Variants in MAP2K5 observed in about 807,000 individuals in gnomAD.
MAP2K5 encodes dual specificity mitogen-activated protein kinase kinase 5.
Under a neutral mutation model 83.1 loss-of-function variants are expected in MAP2K5, and 49 were observed. The observed-to-expected ratio is 0.59, with a 90% CI of 0.47 to 0.75. The LOEUF (loss-of-function observed/expected upper bound fraction) is 0.75, where lower values mean the gene tolerates loss of function less well. Ranked by LOEUF, MAP2K5 falls within the 30% of genes least tolerant of loss-of-function variation. The pLI, the probability that MAP2K5 is intolerant of heterozygous loss-of-function variation, is 0.00. For synonymous variants in MAP2K5, 202 were observed against 191.8 expected, an observed-to-expected ratio of 1.05 and a Z score of -0.44; for missense variants, 457 against 557.5, an observed-to-expected ratio of 0.82 and a Z score of 1.82.
intron 2 of MAP2K5, among the ~76,000 whole-genome samples, chr15:67,556,683 C>T (rs1387098101): frequency 6.6e-6 from 1 of 151,790 alleles, no homozygotes; most frequent in Middle Eastern, 3.2e-3. Flanking sequence ...TCCCTAGTAG[C>T]TGGGATTACA....
chr15:67,596,160 G>A (rs186079236), intron 7 of MAP2K5, among the ~76,000 whole-genome samples: 6 of 152,186 alleles, frequency 3.9e-5, no homozygotes, highest in Admixed American at 3.3e-4. Context: ...TTGGCTGGGC[G>A]TGGTGGCTCA....
rs533196274 is a variant in MAP2K5 at position 67,563,889 on chromosome 15, T to G, written c.252+539T>G. ...TGAATATATTCTGAAACGACTTTTC[T>G]TTTGTGTTTAAAATTTTACTGAAAA... is the stretch of plus-strand genomic sequence containing the variant. On this transcript the variant is annotated intron_variant, in intron 3 of 21. Coordinates refer to ENST00000178640, the MANE Select transcript of MAP2K5 (RefSeq NM_145160.3). This position sits in a 1 kb window ranked among gnomAD's most constrained non-coding sequence, Gnocchi z 4.5. Among the ~76,000 whole-genome samples, 4 of 152,272 alleles carry G rather than the reference T, an allele frequency of 2.6e-5. No individual in the cohort carries two copies. The highest frequency in any genetic ancestry group is 2.0e-4 in the Admixed American group (3 of 15,298).
chr15:67,751,866 G>A (rs759895277), intron 19 of MAP2K5, among the ~76,000 whole-genome samples: 26 of 151,986 alleles, frequency 1.7e-4, no homozygotes, highest in Non-Finnish European at 3.4e-4. Flanking sequence ...TGATATTCTC[G>A]GGCCTCTTGA....
chr15:67,635,217 G>A (rs191725719), intron 9 of MAP2K5, among the ~76,000 whole-genome samples: 10 of 138,908 alleles, frequency 7.2e-5, no homozygotes, highest in Admixed American at 3.8e-4. Context: ...ACAGAGTCTC[G>A]CTCTGTCGCC....
rs2088083088 is a variant in MAP2K5, at chr15:67,690,612, C to A, written c.848-1867C>A. Among the ~76,000 whole-genome samples, 1 of 151,598 alleles carries A rather than the reference C, an allele frequency of 6.6e-6. No homozygotes were observed. The highest frequency in any genetic ancestry group is 6.6e-5 in the Admixed American group (1 of 15,246). Reference sequence around the variant, plus strand: ...GCAGTGGCACCATCTCAGCTCACTGCAACCTCTGTTTCCCAGGTTGAAGCA... The same window carrying A: ...GCAGTGGCACCATCTCAGCTCACTGAAACCTCTGTTTCCCAGGTTGAAGCA... On this transcript the variant is annotated intron_variant, in intron 13 of 21. Transcript: ENST00000178640. This position sits in a 1 kb window ranked among gnomAD's most constrained non-coding sequence, Gnocchi z 4.3.
At chr15:67,703,455 T>C (rs1287926776) in intron 16 of MAP2K5, 47 bp downstream of exon 16, 4 of 1,420,304 alleles carry the variant, frequency 2.8e-6, no homozygotes, top group Non-Finnish European at 3.9e-6. Context: ...TGTACTAATA[T>C]ATTCAATCAG....
Position 67,658,554 on chromosome 15 carries a change from G to A in MAP2K5, c.738G>A (p.Gly246=). The A allele has an allele frequency of 5.0e-6, 8 of 1,611,178 alleles. No individual in the cohort carries two copies. Among genetic ancestry groups the A allele is most frequent in the Non-Finnish European group, 6.8e-6 (8 of 1,177,742 alleles). ...AACATGGCATGTTTATCTCTACAGG[G>A]GGATCTTTGGATGTATATAGGAAAA... ...RISICTEFMD[G]GSLDVYRKMP... Residue 246 remains glycine, a splice_region_variant and synonymous_variant, in exon 12 of 22, where the codon GGG becomes GGA. Transcript: ENST00000178640.
intron 12 of MAP2K5, among the ~76,000 whole-genome samples, chr15:67,662,998 C>A (rs1596747221): frequency 6.6e-6 from 1 of 152,046 alleles, no homozygotes; most frequent in East Asian, 1.9e-4. Context: ...GAGACTAATG[C>A]AAAAAATTCC....
At chr15:67,547,674 C>A (rs1267859722) in intron 1 of MAP2K5, among the ~76,000 whole-genome samples, 1 of 152,092 alleles carries the variant, frequency 6.6e-6, no homozygotes, top group Admixed American at 6.5e-5. Flanking sequence ...CCAGGCTGGT[C>A]TTGAACTCCT....
intron 21 of MAP2K5, among the ~76,000 whole-genome samples, chr15:67,788,921 A>G (rs935311069): frequency 2.6e-5 from 4 of 151,344 alleles, no homozygotes; most frequent in Non-Finnish European, 2.9e-5. Context: ...GCAGTGAGCC[A>G]TGATTGTACC....
chr15:67,737,933 C>T (rs1435403166), intron 17 of MAP2K5, among the ~76,000 whole-genome samples: 1 of 130,918 alleles, frequency 7.6e-6, no homozygotes, highest in Non-Finnish European at 1.6e-5. Context: ...CTCACTGCAA[C>T]CTCCACCTCC....
chr15:67,611,124 A>G (rs1033942161), intron 8 of MAP2K5, among the ~76,000 whole-genome samples: 2 of 152,228 alleles, frequency 1.3e-5, no homozygotes, highest in East Asian at 1.9e-4. Flanking sequence ...AAATGTATCA[A>G]TATACTTAGC....
rs774658202 is a variant in MAP2K5, at chr15:67,806,924, C to A, written c.*174C>A. 6.3e-7 allele frequency: 1 copy of A among 1,586,938 alleles called. No individual in the cohort carries two copies. The highest frequency in any genetic ancestry group is 1.7e-5 in the Admixed American group (1 of 58,924). On this transcript the variant is annotated 3_prime_UTR_variant, in exon 22 of 22. Coordinates refer to ENST00000178640, the MANE Select transcript of MAP2K5 (RefSeq NM_145160.3). ...TGCCTGGGGAGCCCCATGTGTGGCC[C>A]ACCCCACCAGGCCATCCCCATACCT...
At chr15:67,675,946 A>G (rs1389711904) in intron 13 of MAP2K5, among the ~76,000 whole-genome samples, 1 of 152,298 alleles carries the variant, frequency 6.6e-6, no homozygotes, top group East Asian at 1.9e-4. Flanking sequence ...CATTCAAGGA[A>G]CAAATGCAAA....
chr15:67,772,217 A>G (rs878882336), intron 20 of MAP2K5, among the ~76,000 whole-genome samples: 1 of 152,182 alleles, frequency 6.6e-6, no homozygotes, highest in Non-Finnish European at 1.5e-5. Context: ...CCTGTTTTAT[A>G]TACTTCTTGT....
At chr15:67,787,857 T>G (rs1003426989) in intron 21 of MAP2K5, among the ~76,000 whole-genome samples, 1 of 152,238 alleles carries the variant, frequency 6.6e-6, no homozygotes, top group African/African-American at 2.4e-5. Context: ...TTAAACTGTT[T>G]ACTAATCAAC....
chr15:67,568,127 C>T (rs912853298), intron 3 of MAP2K5, among the ~76,000 whole-genome samples: 5 of 152,146 alleles, frequency 3.3e-5, no homozygotes, highest in African/African-American at 1.2e-4. Flanking sequence ...TATTCTCACT[C>T]TTTATATCAT....
chr15:67,558,832 G>A (rs186557206), intron 2 of MAP2K5, among the ~76,000 whole-genome samples: 18 of 152,346 alleles, frequency 1.2e-4, no homozygotes, highest in African/African-American at 4.3e-4. Flanking sequence ...TTCCACTAGA[G>A]TGTATGTTCC....
intron 21 of MAP2K5, among the ~76,000 whole-genome samples, chr15:67,788,189 C>A (rs565151329): frequency 6.6e-6 from 1 of 152,290 alleles, no homozygotes; most frequent in South Asian, 2.1e-4. Context: ...ATTTGAGTCC[C>A]TGGTTGCAAG....
Sources: gnomAD v4.1 joint callset for allele counts (sites outside exome capture counted in the v4.1 genomes callset) on GRCh38, gnomAD v4.1.1 for gene constraint, Gnocchi (gnomAD v3.1) non-coding constraint, MANE v1.5 for transcripts, NCBI Gene and HGNC (gene_info 2026-07-23, HGNC 2026-07-21) for gene names.